Variants in NXPE3 observed in about 807,000 individuals in gnomAD.
NXPE3 encodes the protein NXPE family member 3.
A neutral mutation model predicts 46.1 loss-of-function variants in NXPE3; 26 were observed. The ratio of observed to expected loss-of-function variants is 0.56; its 90% CI spans 0.41 to 0.78. The LOEUF (loss-of-function observed/expected upper bound fraction) is 0.78, where lower values mean the gene tolerates loss of function less well. Ranked by LOEUF, NXPE3 falls within the 30% of genes least tolerant of loss-of-function variation. The pLI, the probability that NXPE3 is intolerant of heterozygous loss-of-function variation, is 0.00. For missense variants in NXPE3, 620 were observed against 686.0 expected (o/e 0.90, Z 1.07); for synonymous variants, 272 against 257.9 (o/e 1.05, Z -0.52).
chr3:101,805,196 C>T (rs1055663306), intron 5 of NXPE3, among the ~76,000 whole-genome samples: 3 of 152,162 alleles, frequency 2.0e-5, no homozygotes, highest in African/African-American at 4.8e-5. Flanking sequence ...ATAATGATCA[C>T]ATTTGGGACA....
chr3:101,826,624 A>G lies in NXPE3; in HGVS notation c.*4670A>G, dbSNP rs1942498295. Reference sequence around the variant, plus strand: ...TAGGGGAATGGAGGTGGTGGACGATAAGAGGATGGTTGAGGGCAGGAGTTT... The same window carrying G: ...TAGGGGAATGGAGGTGGTGGACGATGAGAGGATGGTTGAGGGCAGGAGTTT... On this transcript the variant is annotated 3_prime_UTR_variant, in exon 8 of 8. Transcript: ENST00000273347. 1 of 152,186 alleles carries G rather than the reference A, an allele frequency of 6.6e-6. No homozygotes were observed. The highest frequency in any genetic ancestry group is 6.5e-5 in the Admixed American group (1 of 15,272). The allele number at this position is 152,186 out of a possible 1,614,324, so 9.4% of individuals were successfully genotyped here. A position where few individuals can be genotyped will look rare whatever the true frequency, so the allele number is the denominator to read the frequency against.
At chr3:101,794,169 T>C (rs905730855) in intron 4 of NXPE3, among the ~76,000 whole-genome samples, 2 of 152,008 alleles carry the variant, frequency 1.3e-5, no homozygotes, top group African/African-American at 4.8e-5. Flanking sequence ...TTTCTCTATC[T>C]TTGCTGGAAG....
At chr3:101,815,162 G>A (rs957617693) in intron 6 of NXPE3, among the ~76,000 whole-genome samples, 2 of 152,194 alleles carry the variant, frequency 1.3e-5, no homozygotes, top group African/African-American at 2.4e-5. Flanking sequence ...CTGAAAGGTC[G>A]TTTTGCTTGT....
At chr3:101,817,114 G>A (rs930022393) in intron 7 of NXPE3, 113 bp downstream of exon 7, 5 of 940,256 alleles carry the variant, frequency 5.3e-6, no homozygotes, top group East Asian at 2.4e-5. Flanking sequence ...ATATTTCTGT[G>A]TAGGACTAAA....
chr3:101,783,727 A>G (rs1939975387), intron 3 of NXPE3, among the ~76,000 whole-genome samples: 1 of 152,184 alleles, frequency 6.6e-6, no homozygotes, highest in South Asian at 2.1e-4. Context: ...GTGGACTACC[A>G]TCTTTGGTCT....
At position 101,807,059 on chromosome 3, in the gene NXPE3, C is replaced by T; in HGVS notation, c.855C>T (p.Val285=). 1 of 1,610,456 alleles carries T rather than the reference C, an allele frequency of 6.2e-7. No homozygotes were observed. Residue 285 remains valine (V), a synonymous_variant, in exon 6 of 8, where the codon GTC becomes GTT. Transcript: ENST00000273347. The part of the protein sequence containing the change: ...AAESAFFQSG[V]NIKMPVNSSG... Reference sequence around the variant, plus strand: ...TTTTTTATTCCTCTTAAAGTGGTGTCAATATCAAAATGCCAGTCAACTCCA... The same window carrying T: ...TTTTTTATTCCTCTTAAAGTGGTGTTAATATCAAAATGCCAGTCAACTCCA...
At chr3:101,809,772 A>G (rs1173918302) in intron 6 of NXPE3, among the ~76,000 whole-genome samples, 2 of 152,190 alleles carry the variant, frequency 1.3e-5, no homozygotes, top group African/African-American at 4.8e-5. Context: ...GTTGGGGAAC[A>G]CTTTCAGTTT....
Position 101,821,812 on chromosome 3 carries a change from T to G in NXPE3, c.1538T>G (p.Phe513Cys). ...CTGGACACCATCCTTCGGAGGATGT[T>G]CTCAGGGGTTGGAGTATATCTCGTC... Reference protein sequence around the residue: ...FQLDTILRRMFSGVGVYLVDA... With the variant: ...FQLDTILRRMCSGVGVYLVDA... Residue 513 changes from phenylalanine to cysteine, a missense_variant, in exon 8 of 8, where the codon TTC (phenylalanine) becomes TGC (cysteine). Phe to Cys is a radical substitution (Grantham distance 205, BLOSUM62 -2). Transcript: ENST00000273347. 1 of 1,614,134 alleles carries G rather than the reference T, an allele frequency of 6.2e-7. No individual in the cohort carries two copies. The highest frequency in any genetic ancestry group is 8.5e-7 in the Non-Finnish European group (1 of 1,180,020).
chr3:101,820,367 CA>C (rs1030615673), intron 7 of NXPE3, among the ~76,000 whole-genome samples: 1 of 151,912 alleles, frequency 6.6e-6, no homozygotes, highest in African/African-American at 2.4e-5. Context: ...ATTAAAAAGC[CA>C]AAAAACAACA....
In NXPE3 at chr3:101,827,436, A is replaced by G. The variant is rs988730692; in HGVS notation, c.*5482A>G. The G allele has an allele frequency of 3.3e-5, 5 of 151,170 alleles. No homozygotes were observed. Among genetic ancestry groups the G allele is most frequent in the African/African-American group, 4.8e-5 (2 of 41,384 alleles). The allele number at this position is 151,170 out of a possible 1,614,324, so 9.4% of individuals were successfully genotyped here. ...TATGTCACAGATTTCTTGTCCTTTA[A>G]TTAGTCAGTGAAGGCACATGATTGC... On this transcript the variant is annotated 3_prime_UTR_variant, in exon 8 of 8. Coordinates refer to ENST00000273347, the MANE Select transcript of NXPE3 (RefSeq NM_145037.4).
intron 4 of NXPE3, among the ~76,000 whole-genome samples, chr3:101,787,452 G>A (rs1224474995): frequency 6.6e-6 from 1 of 152,118 alleles, no homozygotes; most frequent in African/African-American, 2.4e-5. Context: ...GATTACAGGC[G>A]TGTGCCACCA....
At position 101,821,528 on chromosome 3, in the gene NXPE3, T is replaced by C. The variant is rs747507330; in HGVS notation, c.1254T>C (p.Phe418=). Residue 418 remains phenylalanine, a synonymous_variant, in exon 8 of 8, where the codon TTT becomes TTC. Coordinates refer to ENST00000273347, the MANE Select transcript of NXPE3 (RefSeq NM_145037.4). ...CACCCATCCGCTTCACGACTGTCTT[T>C]AGCAATGAGCTCCATTATGTGGCGA... ...HGPPIRFTTV[F]SNELHYVANE... is the part of the protein sequence containing the mutation. 1.5e-5 allele frequency: 25 copies of C among 1,614,082 alleles called. No individual in the cohort carries two copies. In the Admixed American group the frequency reaches 4.2e-4, roughly 27 times the overall value.
chr3:101,800,995 G>A (rs1163331481), intron 4 of NXPE3, among the ~76,000 whole-genome samples: 1 of 152,212 alleles, frequency 6.6e-6, no homozygotes, highest in East Asian at 1.9e-4. Flanking sequence ...TGATAAAGTG[G>A]TTTCTCTTGA....
intron 7 of NXPE3, among the ~76,000 whole-genome samples, chr3:101,818,370 A>G (rs748650747): frequency 1.3e-5 from 2 of 152,120 alleles, no homozygotes; most frequent in Non-Finnish European, 2.9e-5. Flanking sequence ...ATGCTAGACA[A>G]GGTTTGATGT....
chr3:101,808,854 T>TACATATATATATAC (rs1553803067), intron 6 of NXPE3, among the ~76,000 whole-genome samples: 1,569 of 100,326 alleles, frequency 0.016, 159 homozygotes, highest in East Asian at 0.028. Flanking sequence ...TATATATATA[T>TACATATATATATAC]ATGAGACATT....
At chr3:101,783,716 T>G (rs1379809405) in intron 3 of NXPE3, among the ~76,000 whole-genome samples, 1 of 152,246 alleles carries the variant, frequency 6.6e-6, no homozygotes, top group African/African-American at 2.4e-5. Context: ...ACTAAATTCC[T>G]GTGGACTACC....
At chr3:101,819,066 A>G (rs960770316) in intron 7 of NXPE3, among the ~76,000 whole-genome samples, 1 of 151,930 alleles carries the variant, frequency 6.6e-6, no homozygotes, top group Non-Finnish European at 1.5e-5. Context: ...TGCCCATCCT[A>G]TAGGACAATT....
chr3:101,827,048 TAAATAAA>T lies in NXPE3; in HGVS notation c.*5105_*5111del, dbSNP rs1942518679. The T allele has an allele frequency of 6.6e-6, 1 of 151,966 alleles. No homozygotes were observed. The allele number at this position is 151,966 out of a possible 1,614,324, so 9.4% of individuals were successfully genotyped here. On this transcript the variant is annotated 3_prime_UTR_variant, in exon 8 of 8. Coordinates refer to ENST00000273347, the MANE Select transcript of NXPE3 (RefSeq NM_145037.4). ...AACTCTGTCTCAATAAATAAATAAA[TAAATAAA>T]AAATAAAAAAGTGTGAACTTAAATA...
At position 101,784,920 on chromosome 3, in the gene NXPE3, G is replaced by C. The variant is rs1388337107; in HGVS notation, c.-195-482G>C. 2.0e-5 allele frequency among the ~76,000 whole-genome samples: 3 copies of C among 152,166 alleles called. No homozygotes were observed. In the East Asian group the frequency reaches 5.8e-4, roughly 29 times the overall value. On this transcript the variant is annotated intron_variant, in intron 3 of 7. Transcript: ENST00000273347. ...TCTCCTGCCATACCTCTGTATGAGAGGGGTAGCACTTCTTGTTTGCCAGAG... is the reference window on the plus strand; with the variant it reads ...TCTCCTGCCATACCTCTGTATGAGACGGGTAGCACTTCTTGTTTGCCAGAG...
Sources: allele counts gnomAD v4.1 joint callset (sites outside exome capture counted in the v4.1 genomes callset), GRCh38; gene constraint gnomAD v4.1.1; transcripts MANE v1.5; gene names NCBI Gene and HGNC (gene_info 2026-07-23, HGNC 2026-07-21).